Variants in DENND1B observed in about 807,000 individuals in gnomAD.
The protein encoded by DENND1B is DENN domain-containing protein 1B.
In DENND1B, 59 loss-of-function variants were observed where a neutral mutation model predicts 90.1. The observed-to-expected ratio is 0.65, with a 90% CI of 0.53 to 0.81. DENND1B has a LOEUF of 0.81. Ranked by LOEUF, DENND1B falls within the 40% of genes least tolerant of loss-of-function variation. DENND1B has a pLI of 0.00. For synonymous variants in DENND1B, 337 were observed against 324.6 expected (o/e 1.04, Z -0.41); for missense variants, 862 against 912.6 (o/e 0.94, Z 0.71).
chr1:197,511,243 C>A (rs187788136), intron 22 of DENND1B, among the ~76,000 whole-genome samples: 1 of 151,816 alleles, frequency 6.6e-6, no homozygotes, highest in Admixed American at 6.6e-5. Flanking sequence ...ACTATCAGAA[C>A]AGGATTGTCA....
chr1:197,649,253 C>A (rs1281747621), intron 7 of DENND1B, among the ~76,000 whole-genome samples: 1 of 152,086 alleles, frequency 6.6e-6, no homozygotes, highest in Admixed American at 6.6e-5. Context: ...GCCTGGCCAA[C>A]GTTTTAACAA....
chr1:197,524,457 GCA>G (rs1300077666), intron 20 of DENND1B, among the ~76,000 whole-genome samples: 1 of 152,102 alleles, frequency 6.6e-6, no homozygotes, highest in African/African-American at 2.4e-5. Flanking sequence ...CATCCAAGCG[GCA>G]CACTGTTCTG....
chr1:197,756,547 G>A (rs1385779572), intron 2 of DENND1B, among the ~76,000 whole-genome samples: 1 of 113,746 alleles, frequency 8.8e-6, no homozygotes, highest in Non-Finnish European at 1.6e-5. Context: ...CTGCACTCCA[G>A]ACTGGGCAAC....
At chr1:197,642,322 T>A (rs1275207802) in intron 10 of DENND1B, among the ~76,000 whole-genome samples, 2 of 152,172 alleles carry the variant, frequency 1.3e-5, no homozygotes, top group African/African-American at 4.8e-5. Context: ...ATTACCAGGT[T>A]AGGATAGCAG....
chr1:197,779,023 G>A (rs1221445706), upstream of DENND1B, among the ~76,000 whole-genome samples: 9 of 152,032 alleles, frequency 5.9e-5, no homozygotes, highest in Non-Finnish European at 1.2e-4. Context: ...TATGAATGTT[G>A]TTTTATACAG....
At chr1:197,534,703 G>T (rs1172325096) in intron 20 of DENND1B, among the ~76,000 whole-genome samples, 1 of 152,122 alleles carries the variant, frequency 6.6e-6, no homozygotes, top group Non-Finnish European at 1.5e-5. Flanking sequence ...AGATATTAAA[G>T]TATTTTTGGA....
chr1:197,535,863 A>T (rs1221300563), intron 20 of DENND1B, among the ~76,000 whole-genome samples: 1 of 152,116 alleles, frequency 6.6e-6, no homozygotes, highest in Non-Finnish European at 1.5e-5. Context: ...ATTATTATCC[A>T]TTTCTAGTGG....
At chr1:197,591,708 G>T (rs1052605882) in intron 14 of DENND1B, among the ~76,000 whole-genome samples, 1 of 152,146 alleles carries the variant, frequency 6.6e-6, no homozygotes, top group African/African-American at 2.4e-5. Context: ...TTTCCATTAA[G>T]AAAATTCCTA....
chr1:197,657,754 T>C (rs1408035990), intron 6 of DENND1B, among the ~76,000 whole-genome samples: 5 of 152,144 alleles, frequency 3.3e-5, no homozygotes, highest in African/African-American at 1.2e-4. Flanking sequence ...CTTTTAGGTA[T>C]ATACCCAAAA....
At chr1:197,723,829 T>G (rs1661400405) in intron 2 of DENND1B, among the ~76,000 whole-genome samples, 1 of 151,958 alleles carries the variant, frequency 6.6e-6, no homozygotes, top group Non-Finnish European at 1.5e-5. Context: ...ATAAGAATTA[T>G]AAAAAAGCAA....
chr1:197,659,912 T>C (rs915305654), intron 5 of DENND1B, among the ~76,000 whole-genome samples: 2 of 151,890 alleles, frequency 1.3e-5, no homozygotes, highest in African/African-American at 4.8e-5. Flanking sequence ...CACCAGATAT[T>C]TGAGGAAACA....
At chr1:197,750,494 A>C (rs1653324093) in intron 2 of DENND1B, among the ~76,000 whole-genome samples, 1 of 152,172 alleles carries the variant, frequency 6.6e-6, no homozygotes, top group South Asian at 2.1e-4. Context: ...AACCATATCA[A>C]TAATTACACT....
chr1:197,658,495 T>C (rs569042544), intron 5 of DENND1B, 126 bp from the exon 6 acceptor site: 3 of 570,538 alleles, frequency 5.3e-6, no homozygotes, highest in African/African-American at 3.8e-5. Context: ...ACTATACCCA[T>C]TTTCTTTACT....
chr1:197,740,011 A>G lies in DENND1B; in HGVS notation c.83-24937T>C, dbSNP rs118015045. On this transcript the variant is annotated intron_variant, in intron 2 of 22. Transcript: ENST00000620048. ...ATCAAATATAATTTTGCATCAGCAA[A>G]GACAATCACTACAGCCCTGAACTTG... 6.7e-4 allele frequency among the ~76,000 whole-genome samples: 102 copies of G among 152,306 alleles called. No homozygotes were observed. In the East Asian group the frequency reaches 0.02, roughly 29 times the overall value.
At chr1:197,545,548 A>C (rs1423758227) in intron 18 of DENND1B, 2 of 195,930 alleles carry the variant, frequency 1.0e-5, no homozygotes, top group Admixed American at 6.2e-5. Context: ...GAGGGAAAAG[A>C]CCTCGCTATA....
intron 5 of DENND1B, among the ~76,000 whole-genome samples, chr1:197,666,216 C>T (rs1654924980): frequency 6.6e-6 from 1 of 152,172 alleles, no homozygotes; most frequent in African/African-American, 2.4e-5. Context: ...TGTAAACATT[C>T]TAGGCACTTA....
At chr1:197,587,181 C>T (rs10494759) in intron 14 of DENND1B, among the ~76,000 whole-genome samples, 145,880 of 152,334 alleles carry the variant, frequency 0.96, 70,152 homozygotes, top group South Asian at 1. Flanking sequence ...AATCTACTTA[C>T]AGAAAACGAC....
intron 20 of DENND1B, among the ~76,000 whole-genome samples, chr1:197,520,561 T>C (rs544697423): frequency 3.3e-5 from 5 of 152,060 alleles, no homozygotes; most frequent in Admixed American, 3.3e-4. Flanking sequence ...TAAGAAGGTA[T>C]AGAAGTTTCT....
At chr1:197,614,343 T>C (rs1204948894) in intron 11 of DENND1B, among the ~76,000 whole-genome samples, 1 of 151,044 alleles carries the variant, frequency 6.6e-6, no homozygotes, top group East Asian at 1.9e-4. Context: ...AATAATTACA[T>C]TTTGCAGAAT....
Sources: gnomAD v4.1 joint callset for allele counts (sites outside exome capture counted in the v4.1 genomes callset) on GRCh38, gnomAD v4.1.1 for gene constraint, MANE v1.5 for transcripts, NCBI Gene and HGNC (gene_info 2026-07-23, HGNC 2026-07-21) for gene names.